The following ADGRB3 variants were observed in gnomAD, a reference collection of about 807,000 sequenced individuals.
The protein encoded by ADGRB3 is brain-specific angiogenesis inhibitor 3.
ADGRB3 carries 37 observed loss-of-function variants against 193.4 expected under a neutral mutation model. The observed-to-expected ratio is 0.19, with a 90% CI of 0.15 to 0.25. The LOEUF is 0.25. Ranked by LOEUF, ADGRB3 falls within the 10% of genes least tolerant of loss-of-function variation. ADGRB3 has a pLI of 1.00. For synonymous variants in ADGRB3, 690 were observed against 644.2 expected, an observed-to-expected ratio of 1.07 and a Z score of -1.08; for missense variants, 1,637 against 1,852.9, an observed-to-expected ratio of 0.88 and a Z score of 2.14.
At chr6:68,787,927 C>G (rs939764867) in intron 3 of ADGRB3, among the ~76,000 whole-genome samples, 1 of 152,102 alleles carries the variant, frequency 6.6e-6, no homozygotes, top group Non-Finnish European at 1.5e-5. Flanking sequence ...TCTAGATTTT[C>G]TAGTTTATTT....
intron 17 of ADGRB3, among the ~76,000 whole-genome samples, chr6:69,167,570 T>C (rs1216725605): frequency 1.3e-5 from 2 of 152,180 alleles, no homozygotes; most frequent in Non-Finnish European, 2.9e-5. Flanking sequence ...ATTTGGGTTT[T>C]TCCAGTTTTG....
At chr6:68,929,566 T>C (rs982919477) in intron 3 of ADGRB3, among the ~76,000 whole-genome samples, 4 of 152,124 alleles carry the variant, frequency 2.6e-5, no homozygotes, top group African/African-American at 9.7e-5. Flanking sequence ...AAGGGCCTAG[T>C]AGTTTTCTTG....
chr6:69,241,993 A>G (rs891889679), intron 20 of ADGRB3, among the ~76,000 whole-genome samples: 2 of 151,922 alleles, frequency 1.3e-5, no homozygotes, highest in African/African-American at 2.4e-5. Flanking sequence ...AGAAAAATAC[A>G]AAACACTGGA....
chr6:68,723,068 A>G (rs1237027632), intron 3 of ADGRB3, among the ~76,000 whole-genome samples: 3 of 151,736 alleles, frequency 2.0e-5, no homozygotes, highest in Non-Finnish European at 4.4e-5. Context: ...TAAAGATAGT[A>G]AACATTCTGT....
chr6:69,207,690 G>A (rs1267194029), intron 17 of ADGRB3, among the ~76,000 whole-genome samples: 1 of 152,206 alleles, frequency 6.6e-6, no homozygotes, highest in African/African-American at 2.4e-5. Context: ...ACTTCGAAAG[G>A]CCATTCCCCT....
intron 8 of ADGRB3, among the ~76,000 whole-genome samples, chr6:68,973,096 TG>T (rs1477268678): frequency 2.6e-5 from 4 of 152,120 alleles, no homozygotes; most frequent in African/African-American, 7.2e-5. Context: ...AATAAATAAA[TG>T]AATATATATT....
At chr6:69,333,132 G>A in intron 24 of ADGRB3, 124 bp downstream of exon 24, 2 of 1,064,744 alleles carry the variant, frequency 1.9e-6, no homozygotes, top group Non-Finnish European at 2.7e-6. Flanking sequence ...AGTGTGTCCA[G>A]TAGATTCTGC....
chr6:69,233,560 A>G (rs1766199852), intron 18 of ADGRB3, 144 bp downstream of exon 18: 1 of 1,043,796 alleles, frequency 9.6e-7, no homozygotes, highest in South Asian at 1.6e-5. Flanking sequence ...TAGCTATAGT[A>G]GCTTGGTGGA....
intron 17 of ADGRB3, among the ~76,000 whole-genome samples, chr6:69,219,486 TATATATAC>T (rs1765845882): frequency 7.1e-6 from 1 of 141,138 alleles, no homozygotes; most frequent in African/African-American, 2.6e-5. Context: ...TATATATATA[TATATATAC>T]GTGTGTGTGT....
intron 20 of ADGRB3, among the ~76,000 whole-genome samples, chr6:69,291,424 A>G (rs112685942): frequency 0.014 from 2,119 of 152,288 alleles, 25 homozygotes; most frequent in Non-Finnish European, 0.023. Flanking sequence ...CTGAAAATGT[A>G]TAACAACCAT....
intron 23 of ADGRB3, chr6:69,332,220 T>C: frequency 1.0e-6 from 1 of 985,210 alleles, no homozygotes; most frequent in African/African-American, 1.7e-5. Context: ...AAAGGAAAAA[T>C]ATGTGTGATT....
chr6:69,324,782 A>G (rs1185634397), intron 20 of ADGRB3, 90 bp from the exon 21 acceptor site: 50 of 1,393,310 alleles, frequency 3.6e-5, no homozygotes, highest in Non-Finnish European at 4.9e-5. Context: ...AATAAAAGCA[A>G]TGAATCAGAG....
intron 3 of ADGRB3, among the ~76,000 whole-genome samples, chr6:68,659,276 C>G (rs539643852): frequency 6.7e-6 from 1 of 149,698 alleles, no homozygotes; most frequent in South Asian, 2.1e-4. Context: ...CTCAGAGGAA[C>G]TAATCAAAAC....
intron 17 of ADGRB3, among the ~76,000 whole-genome samples, chr6:69,108,980 C>T (rs1773293857): frequency 6.6e-6 from 1 of 152,084 alleles, no homozygotes; most frequent in South Asian, 2.1e-4. Flanking sequence ...GTGTCTTGGG[C>T]ACACAAGGCT....
rs145806846 is a variant in ADGRB3, at chr6:69,250,314, A to G, written c.2814+11088A>G. Among the ~76,000 whole-genome samples the G allele has an allele frequency of 3.6e-4, 29 of 79,582 alleles. 2 individuals are homozygous for G. In the South Asian group the frequency reaches 6.3e-3, roughly 17 times the overall value. The allele number at this position is 79,582 out of a possible 152,430, so 52.2% of individuals were successfully genotyped here. A position where few individuals can be genotyped will look rare whatever the true frequency, so the allele number is the denominator to read the frequency against. On this transcript the variant is annotated intron_variant, in intron 20 of 31. Transcript: ENST00000370598. The stretch of plus-strand genomic sequence containing the variant: ...AATACAAATTAGTTCTGCTTTTCTT[A>G]TTTACTTATTTTTGTTTATTTTTAT...
At chr6:69,328,109 T>A (rs1037598218) in intron 22 of ADGRB3, among the ~76,000 whole-genome samples, 3 of 152,186 alleles carry the variant, frequency 2.0e-5, no homozygotes, top group Admixed American at 2.0e-4. Context: ...CATTTCTTAA[T>A]AAGACCAGCA....
At chr6:68,892,915 C>T (rs1364683765) in intron 3 of ADGRB3, among the ~76,000 whole-genome samples, 1 of 151,970 alleles carries the variant, frequency 6.6e-6, no homozygotes, top group Non-Finnish European at 1.5e-5. Context: ...CTTTATAAAG[C>T]CTCAAGTAGA....
At chr6:69,370,621 A>T (rs560058560) in intron 29 of ADGRB3, among the ~76,000 whole-genome samples, 43 of 152,222 alleles carry the variant, frequency 2.8e-4, no homozygotes, top group African/African-American at 9.1e-4. Context: ...TCAGAAACAG[A>T]ATCTATCTCT....
intron 29 of ADGRB3, among the ~76,000 whole-genome samples, chr6:69,367,238 G>A (rs1016933154): frequency 1.3e-5 from 2 of 152,104 alleles, no homozygotes; most frequent in Non-Finnish European, 2.9e-5. Flanking sequence ...AACTCCTTAA[G>A]ATGAAGTTAA....
Sources: gnomAD v4.1 joint callset for allele counts (sites outside exome capture counted in the v4.1 genomes callset) on GRCh38, gnomAD v4.1.1 for gene constraint, MANE v1.5 for transcripts, NCBI Gene and HGNC (gene_info 2026-07-23, HGNC 2026-07-21) for gene names.